IL12RB2: variants seen among roughly 807,000 people sequenced by gnomAD.
IL12RB2 encodes the protein interleukin 12 receptor subunit beta 2.
IL12RB2 carries 82 observed loss-of-function variants against 89.4 expected under a neutral mutation model. The ratio of observed to expected loss-of-function variants is 0.92; its 90% CI spans 0.77 to 1.10. The LOEUF (loss-of-function observed/expected upper bound fraction) is 1.10, where lower values mean the gene tolerates loss of function less well. Among genes scored for constraint, IL12RB2 ranks in the 50% least tolerant of loss-of-function variants. The pLI, the probability that IL12RB2 is intolerant of heterozygous loss-of-function variation, is 0.00. For missense variants in IL12RB2, 963 were observed against 1,031.9 expected (o/e 0.93, Z 0.92); for synonymous variants, 368 against 370.1 (o/e 0.99, Z 0.07).
chr1:67,348,758 T>A (rs1376892381), intron 9 of IL12RB2, among the ~76,000 whole-genome samples: 1 of 152,190 alleles, frequency 6.6e-6, no homozygotes, highest in Non-Finnish European at 1.5e-5. Flanking sequence ...ATTAGCTCAT[T>A]GAAGTTTTTG....
intron 1 of IL12RB2, among the ~76,000 whole-genome samples, chr1:67,309,045 C>CATATATATATATATATAT (rs146292829): frequency 1.2e-4 from 18 of 149,466 alleles, no homozygotes; most frequent in African/African-American, 4.2e-4. Context: ...CATACATATA[C>CATATATATATATATATAT]ATATATATAT....
chr1:67,323,876 C>G (rs547560962), intron 4 of IL12RB2, among the ~76,000 whole-genome samples: 12 of 152,160 alleles, frequency 7.9e-5, no homozygotes, highest in African/African-American at 2.9e-4. Context: ...ATGGAGACAA[C>G]CTGTCTTATA....
chr1:67,325,741 A>G (rs534301028), intron 4 of IL12RB2, among the ~76,000 whole-genome samples: 2 of 152,356 alleles, frequency 1.3e-5, no homozygotes, highest in Non-Finnish European at 2.9e-5. Flanking sequence ...TATTTAATCA[A>G]TAACAGATTT....
chr1:67,363,211 ATTTTTTT>A (rs199805464), intron 10 of IL12RB2, among the ~76,000 whole-genome samples: 6 of 97,188 alleles, frequency 6.2e-5, no homozygotes, highest in Non-Finnish European at 8.2e-5. Context: ...AATTATTCTT[ATTTTTTT>A]TTTTTTTTTT....
At chr1:67,332,100 C>T (rs1187693744) in intron 8 of IL12RB2, among the ~76,000 whole-genome samples, 2 of 152,112 alleles carry the variant, frequency 1.3e-5, no homozygotes, top group Non-Finnish European at 2.9e-5. Context: ...ACTGATGATC[C>T]TTAGCAATCA....
chr1:67,357,755 G>T (rs1383929918), intron 10 of IL12RB2, among the ~76,000 whole-genome samples: 1 of 152,178 alleles, frequency 6.6e-6, no homozygotes, highest in African/African-American at 2.4e-5. Context: ...TAACTCAGCC[G>T]ATGGGATGAA....
Position 67,395,570 on chromosome 1 carries a change from C to A in IL12RB2, c.2070C>A (p.Asp690Glu), listed in dbSNP as rs2100356106. The change falls in exon 17 of 17, where the codon GAC becomes GAA. Residue 690 changes from aspartate to glutamate, a missense_variant. By Grantham distance (45) the Asp-to-Glu change is conservative (BLOSUM62 2). Coordinates refer to ENST00000674203, the MANE Select transcript of IL12RB2 (RefSeq NM_001374259.2). ...IAEEKTQLPL[D>E]RLLIDWPTPE... ...AGGAGAAGACACAGCTGCCCTTGGA[C>A]AGGCTCCTGATAGACTGGCCCACGC... The A allele has an allele frequency of 6.2e-7, 1 of 1,614,252 alleles. No homozygotes were observed. The highest frequency in any genetic ancestry group is 8.5e-7 in the Non-Finnish European group (1 of 1,180,048).
chr1:67,356,421 T>C (rs186325745), intron 10 of IL12RB2, among the ~76,000 whole-genome samples: 19 of 152,312 alleles, frequency 1.2e-4, no homozygotes, highest in Admixed American at 9.2e-4. Context: ...GGAACCTCAC[T>C]GGGGAGGAGA....
At chr1:67,377,849 G>A (rs1434638696) in intron 13 of IL12RB2, among the ~76,000 whole-genome samples, 1 of 152,132 alleles carries the variant, frequency 6.6e-6, no homozygotes, top group African/African-American at 2.4e-5. Flanking sequence ...AACTCGGCGG[G>A]GTGCGGTGGC....
At chr1:67,339,227 C>T (rs1161710686) in intron 9 of IL12RB2, among the ~76,000 whole-genome samples, 1 of 152,196 alleles carries the variant, frequency 6.6e-6, no homozygotes, top group East Asian at 1.9e-4. Context: ...TGGCTCACGC[C>T]TGTAATCCCA....
chr1:67,334,486 T>C (rs1196073234), intron 8 of IL12RB2, among the ~76,000 whole-genome samples: 1 of 152,208 alleles, frequency 6.6e-6, no homozygotes, highest in Non-Finnish European at 1.5e-5. Context: ...GATTCTTCTT[T>C]TGTTTGTTTT....
At chr1:67,361,596 C>A (rs183356162) in intron 10 of IL12RB2, among the ~76,000 whole-genome samples, 2 of 151,772 alleles carry the variant, frequency 1.3e-5, no homozygotes, top group Non-Finnish European at 2.9e-5. Context: ...CAATAGAAAC[C>A]GCTAAAACTG....
intron 3 of IL12RB2, among the ~76,000 whole-genome samples, 167 bp downstream of exon 3, chr1:67,320,611 A>G (rs981358635): frequency 1.1e-4 from 17 of 152,186 alleles, no homozygotes; most frequent in African/African-American, 4.1e-4. Flanking sequence ...TAGTTATTTT[A>G]TTTAATTTGC....
chr1:67,318,598 A>G (rs1364421977), intron 2 of IL12RB2, among the ~76,000 whole-genome samples: 1 of 152,140 alleles, frequency 6.6e-6, no homozygotes, highest in Non-Finnish European at 1.5e-5. Context: ...AAAGGTTAGA[A>G]TCAAAGATGA....
intron 1 of IL12RB2, among the ~76,000 whole-genome samples, chr1:67,312,654 A>C (rs1488174903): frequency 6.6e-6 from 1 of 151,818 alleles, no homozygotes; most frequent in African/African-American, 2.4e-5. Context: ...GAAGAGAGAA[A>C]AGAATAAAGG....
chr1:67,362,897 C>T (rs375402584), intron 10 of IL12RB2, among the ~76,000 whole-genome samples: 4 of 142,126 alleles, frequency 2.8e-5, no homozygotes, highest in African/African-American at 9.9e-5. Flanking sequence ...AAAATACAAA[C>T]TTTAATTACT....
chr1:67,311,098 A>T (rs1175619737), intron 1 of IL12RB2, among the ~76,000 whole-genome samples: 1 of 152,208 alleles, frequency 6.6e-6, no homozygotes, highest in Non-Finnish European at 1.5e-5. Context: ...GTCACAGGCC[A>T]TATAGCTGGA....
chr1:67,323,694 G>T (rs956826960), intron 4 of IL12RB2, among the ~76,000 whole-genome samples: 1 of 152,076 alleles, frequency 6.6e-6, no homozygotes, highest in Non-Finnish European at 1.5e-5. Context: ...ATATTTCCTC[G>T]CATGCACCCT....
At chr1:67,368,098 C>A in intron 11 of IL12RB2, 73 bp downstream of exon 11, 1 of 958,556 alleles carries the variant, frequency 1.0e-6, no homozygotes, top group Non-Finnish European at 1.7e-6. Flanking sequence ...CAGGCAAGAG[C>A]CAGAACCCTG....
Sources: gnomAD v4.1 joint callset for allele counts (sites outside exome capture counted in the v4.1 genomes callset) on GRCh38, gnomAD v4.1.1 for gene constraint, MANE v1.5 for transcripts, NCBI Gene and HGNC (gene_info 2026-07-23, HGNC 2026-07-21) for gene names.